Variants in CTNNA2 observed in about 807,000 individuals in gnomAD.
CTNNA2 encodes catenin alpha-2.
In CTNNA2, 42 loss-of-function variants were observed where a neutral mutation model predicts 101.0. The observed-to-expected ratio is 0.42, with a 90% CI of 0.32 to 0.54. CTNNA2 has a LOEUF of 0.54. Ranked by LOEUF, CTNNA2 falls within the 20% of genes least tolerant of loss-of-function variation. The probability of loss-of-function intolerance (pLI) is 0.14; values close to 1 mark genes in which losing one functional copy is unlikely to be tolerated. For synonymous variants in CTNNA2, 450 were observed against 456.4 expected (o/e 0.99, Z 0.18); for missense variants, 871 against 1,223.1 (o/e 0.71, Z 4.29).
At chr2:79,511,457 G>C (rs1382583152), upstream of CTNNA2, among the ~76,000 whole-genome samples, 1 of 152,150 alleles carries the variant, frequency 6.6e-6, no homozygotes, top group Non-Finnish European at 1.5e-5. Context: ...TGCCTTTAGC[G>C]TGTTTCTCCT....
chr2:80,297,267 A>T (rs1558978827), intron 7 of CTNNA2, among the ~76,000 whole-genome samples: 1 of 152,212 alleles, frequency 6.6e-6, no homozygotes, highest in Non-Finnish European at 1.5e-5. Context: ...TTCAAGGAAT[A>T]AAGAAACAGT....
Position 80,383,775 on chromosome 2 carries a change from A to AG in CTNNA2, c.1057-9436_1057-9435insG, listed in dbSNP as rs368765564. 9.5e-4 allele frequency among the ~76,000 whole-genome samples: 132 copies of AG among 138,958 alleles called. 1 individual carries two copies. Among genetic ancestry groups the AG allele is most frequent in the African/African-American group, 3.9e-3 (121 of 31,316 alleles). 91.2% of individuals were successfully genotyped at this position (138,958 alleles called of 152,430 possible). A position where few individuals can be genotyped will look rare whatever the true frequency, so the allele number is the denominator to read the frequency against. The stretch of plus-strand genomic sequence containing the variant: ...GAAGCCCTAACATACAGGCCCAAGA[A>AG]AAAAAAAAATTACCATTCAACCTAG... On this transcript the variant is annotated intron_variant, in intron 7 of 18. Coordinates refer to ENST00000402739, the MANE Select transcript of CTNNA2 (RefSeq NM_001282597.3).
At chr2:80,513,932 CCATA>C in intron 9 of CTNNA2, among the ~76,000 whole-genome samples, 1 of 152,298 alleles carries the variant, frequency 6.6e-6, no homozygotes, top group South Asian at 2.1e-4. Context: ...AACTTTTCTA[CCATA>C]CAAAGTCTTT....
chr2:80,376,316 G>A (rs1008416663), intron 7 of CTNNA2, among the ~76,000 whole-genome samples: 2 of 152,012 alleles, frequency 1.3e-5, no homozygotes, highest in African/African-American at 4.8e-5. Flanking sequence ...TATCTGTTTA[G>A]GGAACAGCTG....
At chr2:80,044,685 G>A (rs1167378134) in intron 7 of CTNNA2, among the ~76,000 whole-genome samples, 1 of 152,010 alleles carries the variant, frequency 6.6e-6, no homozygotes, top group African/African-American at 2.4e-5. Flanking sequence ...TTACAGCACT[G>A]GATAAGAACA....
At chr2:80,275,150 C>T (rs1673795179) in intron 7 of CTNNA2, among the ~76,000 whole-genome samples, 1 of 152,070 alleles carries the variant, frequency 6.6e-6, no homozygotes, top group African/African-American at 2.4e-5. Context: ...TAAGTCAAAC[C>T]CCCGTGACCT....
chr2:80,526,646 AT>A (rs1171197338), intron 9 of CTNNA2, among the ~76,000 whole-genome samples: 1 of 152,032 alleles, frequency 6.6e-6, no homozygotes, highest in East Asian at 1.9e-4. Flanking sequence ...CTGTGCCTCA[AT>A]TTTCTCATCT....
intron 7 of CTNNA2, among the ~76,000 whole-genome samples, chr2:80,245,631 G>A (rs1319714914): frequency 1.3e-5 from 2 of 151,372 alleles, no homozygotes; most frequent in African/African-American, 4.9e-5. Flanking sequence ...CCTTCTCTAA[G>A]ACTCATGAAA....
chr2:80,523,273 T>A (rs1689731466), intron 9 of CTNNA2, among the ~76,000 whole-genome samples: 1 of 152,014 alleles, frequency 6.6e-6, no homozygotes. Context: ...AAAGTGAAGT[T>A]GTAAATGCAA....
chr2:80,166,954 C>T (rs1704736023), intron 7 of CTNNA2, among the ~76,000 whole-genome samples: 1 of 151,954 alleles, frequency 6.6e-6, no homozygotes, highest in Admixed American at 6.6e-5. Context: ...TAAGATATTA[C>T]AGAAAGAAAA....
chr2:80,293,364 T>C (rs759548842), intron 7 of CTNNA2, among the ~76,000 whole-genome samples: 6 of 152,240 alleles, frequency 3.9e-5, no homozygotes, highest in African/African-American at 1.2e-4. Flanking sequence ...GTTTGCAATA[T>C]TGAGAGTTCT....
chr2:80,563,265 C>T (rs1415334420), intron 12 of CTNNA2, among the ~76,000 whole-genome samples: 1 of 152,130 alleles, frequency 6.6e-6, no homozygotes. Flanking sequence ...TAATTGTGCA[C>T]AACTGAGGCT....
At chr2:79,582,563 G>A (rs889611124) in intron 1 of CTNNA2, among the ~76,000 whole-genome samples, 2 of 151,942 alleles carry the variant, frequency 1.3e-5, no homozygotes, top group South Asian at 2.1e-4. Context: ...CCCACCTTAC[G>A]AAATGAAAAG....
At chr2:79,622,032 T>A (rs1279005102) in intron 1 of CTNNA2, among the ~76,000 whole-genome samples, 1 of 152,198 alleles carries the variant, frequency 6.6e-6, no homozygotes, top group Non-Finnish European at 1.5e-5. Flanking sequence ...GTAATGTGTG[T>A]CTTGGACAAG....
intron 7 of CTNNA2, among the ~76,000 whole-genome samples, chr2:80,348,551 C>T (rs1190202812): frequency 6.6e-6 from 1 of 152,070 alleles, no homozygotes; most frequent in Non-Finnish European, 1.5e-5. Flanking sequence ...TTCCTAAAGC[C>T]CGTACTTTTC....
At chr2:79,758,029 T>A (rs1308199526) in intron 3 of CTNNA2, among the ~76,000 whole-genome samples, 1 of 152,208 alleles carries the variant, frequency 6.6e-6, no homozygotes, top group Non-Finnish European at 1.5e-5. Flanking sequence ...GTTGTAAAGT[T>A]AATGACAAAA....
intron 9 of CTNNA2, among the ~76,000 whole-genome samples, chr2:80,429,770 C>T (rs1438150659): frequency 1.3e-5 from 2 of 152,178 alleles, no homozygotes; most frequent in East Asian, 3.8e-4. Flanking sequence ...GCTCACCCAC[C>T]AGCTTCACGA....
chr2:79,826,426 A>G (rs949300095), intron 3 of CTNNA2, among the ~76,000 whole-genome samples: 1 of 152,212 alleles, frequency 6.6e-6, no homozygotes, highest in African/African-American at 2.4e-5. Flanking sequence ...AGCTCTCCCT[A>G]TAGTTCCACA....
chr2:79,402,592 C>A (rs909968507), intron 4 of CTNNA2, among the ~76,000 whole-genome samples: 2 of 151,716 alleles, frequency 1.3e-5, no homozygotes, highest in African/African-American at 4.8e-5. Context: ...GTCTCTCTCT[C>A]TGTCTCTCTC....
Sources: allele counts gnomAD v4.1 joint callset (sites outside exome capture counted in the v4.1 genomes callset), GRCh38; gene constraint gnomAD v4.1.1; transcripts MANE v1.5; gene names NCBI Gene and HGNC (gene_info 2026-07-23, HGNC 2026-07-21).